Variants in NCKAP5 observed in about 807,000 individuals in gnomAD.
NCKAP5 encodes nck-associated protein 5.
NCKAP5 carries 92 observed loss-of-function variants against 167.0 expected under a neutral mutation model. That is an observed-to-expected ratio of 0.55 (90% CI 0.47 to 0.66). NCKAP5 has a LOEUF of 0.66. Ranked by LOEUF, NCKAP5 falls within the 30% of genes least tolerant of loss-of-function variation. The probability of loss-of-function intolerance (pLI) is 0.00; values close to 1 mark genes in which losing one functional copy is unlikely to be tolerated. For synonymous variants in NCKAP5, 891 were observed against 877.4 expected, an observed-to-expected ratio of 1.02 and a Z score of -0.27; for missense variants, 2,378 against 2,315.0, an observed-to-expected ratio of 1.03 and a Z score of -0.56.
At chr2:132,717,530 G>A (rs536312915) in intron 19 of NCKAP5, among the ~76,000 whole-genome samples, 1 of 152,304 alleles carries the variant, frequency 6.6e-6, no homozygotes, top group South Asian at 2.1e-4. Context: ...CCTTGGCCTT[G>A]AGAAGGCAGG....
rs192675400 is a variant in NCKAP5 at position 133,378,437 on chromosome 2, G to A, written c.70-75327C>T. On this transcript the variant is annotated intron_variant, in intron 3 of 19. Transcript: ENST00000409261. ...AGTGTAGACTATCAAATTTTGTCAGGACAACCAGTTTGGAAAACCTGCATC... is the reference window on the plus strand; with the variant it reads ...AGTGTAGACTATCAAATTTTGTCAGAACAACCAGTTTGGAAAACCTGCATC... 2.0e-5 allele frequency among the ~76,000 whole-genome samples: 3 copies of A among 152,192 alleles called. No individual in the cohort carries two copies. The South Asian group carries it at 6.2e-4, about 32-fold the overall frequency.
At chr2:133,342,051 G>T (rs904354204) in intron 3 of NCKAP5, among the ~76,000 whole-genome samples, 2 of 152,102 alleles carry the variant, frequency 1.3e-5, no homozygotes, top group African/African-American at 4.8e-5. Context: ...CCATTCTCCT[G>T]CTTCAGCCTC....
the NCKAP5 span, among the ~76,000 whole-genome samples, chr2:133,660,688 C>T: frequency 1.3e-5 from 2 of 150,884 alleles, no homozygotes; most frequent in South Asian, 2.1e-4. Context: ...ATTCGCTGGA[C>T]GAAACATTGT....
intron 6 of NCKAP5, among the ~76,000 whole-genome samples, chr2:133,058,107 T>C (rs77776553): frequency 0.013 from 1,978 of 152,324 alleles, 18 homozygotes; most frequent in Middle Eastern, 0.031. Context: ...AAACCCAGTG[T>C]TGAGACCTAC....
intron 16 of NCKAP5, among the ~76,000 whole-genome samples, chr2:132,761,550 T>C (rs1681009109): frequency 6.6e-6 from 1 of 152,248 alleles, no homozygotes; most frequent in Admixed American, 6.5e-5. Flanking sequence ...AGAAAATACG[T>C]ATAATTTTAT....
intron 3 of NCKAP5, among the ~76,000 whole-genome samples, chr2:133,351,406 T>A (rs1028946685): frequency 6.6e-6 from 1 of 152,118 alleles, no homozygotes; most frequent in Admixed American, 6.5e-5. Flanking sequence ...ATTTTTTTCA[T>A]CTGTAAATAG....
intron 3 of NCKAP5, among the ~76,000 whole-genome samples, chr2:133,407,799 T>A (rs1053379019): frequency 2.0e-5 from 3 of 152,348 alleles, no homozygotes; most frequent in Middle Eastern, 3.4e-3. Flanking sequence ...TGTTCAGCTA[T>A]CAGTAAACAA....
At chr2:133,235,996 G>A (rs1382447259) in intron 4 of NCKAP5, among the ~76,000 whole-genome samples, 1 of 146,886 alleles carries the variant, frequency 6.8e-6, no homozygotes, top group African/African-American at 2.5e-5. Context: ...GAGCTGGGAA[G>A]TGGAGGCTGC....
At chr2:132,932,359 G>A (rs1475793166) in intron 8 of NCKAP5, among the ~76,000 whole-genome samples, 3 of 151,612 alleles carry the variant, frequency 2.0e-5, no homozygotes, top group Admixed American at 6.6e-5. Flanking sequence ...TATCTTCATT[G>A]TCATTTAGCG....
At chr2:133,377,389 C>T (rs1424010201) in intron 3 of NCKAP5, among the ~76,000 whole-genome samples, 1 of 152,138 alleles carries the variant, frequency 6.6e-6, no homozygotes, top group African/African-American at 2.4e-5. Flanking sequence ...AATGACAGAG[C>T]AAGCTTCTTG....
In NCKAP5 at chr2:132,725,713, T is replaced by G. The variant is rs1301596848; in HGVS notation, c.5627A>C (p.Asn1876Thr). Residue 1876 changes from asparagine to threonine, a missense_variant, in exon 19 of 20, where the codon AAT becomes ACT. Around this residue, in one of 3 missense-constraint regions of NCKAP5, gnomAD observed 1,325 missense variants for 1,274.5 expected, o/e 1.04. Transcript: ENST00000409261. ...TCCATAGTCCAGGTCACTGTCACTA[T>G]TACTGCCACCGCTGGCAGAGTACGT... ...MCTYSASGGS[N>T]SDSDLDYGDN... The G allele has an allele frequency of 6.2e-7, 1 of 1,613,586 alleles. No individual in the cohort carries two copies. The highest frequency in any genetic ancestry group is 8.5e-7 in the Non-Finnish European group (1 of 1,179,820).
chr2:133,428,396 G>A (rs7593600), intron 3 of NCKAP5, among the ~76,000 whole-genome samples: 1 of 151,732 alleles, frequency 6.6e-6, no homozygotes. Flanking sequence ...TACATTATTC[G>A]GTAAATTATA....
At chr2:132,692,274 G>C (rs2082178) in intron 19 of NCKAP5, among the ~76,000 whole-genome samples, 61,470 of 151,698 alleles carry the variant, frequency 0.41, 14,112 homozygotes, top group East Asian at 0.55. Flanking sequence ...TCTCAAATAG[G>C]TGGGATTACA....
At chr2:132,897,841 G>A (rs1183420668) in intron 8 of NCKAP5, among the ~76,000 whole-genome samples, 11 of 152,212 alleles carry the variant, frequency 7.2e-5, no homozygotes, top group Non-Finnish European at 1.5e-4. Context: ...AAATGCTAAC[G>A]ATTATCTGAG....
intron 11 of NCKAP5, among the ~76,000 whole-genome samples, chr2:132,830,793 C>A (rs1002452155): frequency 6.6e-6 from 1 of 152,172 alleles, no homozygotes. Context: ...ATTTCATGGT[C>A]TTTTAATTTT....
chr2:133,108,619 G>A (rs1425260975), intron 6 of NCKAP5, among the ~76,000 whole-genome samples: 1 of 152,202 alleles, frequency 6.6e-6, no homozygotes, highest in Non-Finnish European at 1.5e-5. Context: ...CAGTCACCAT[G>A]CTATATAATG....
chr2:133,044,809 C>A (rs1375478243), intron 6 of NCKAP5, among the ~76,000 whole-genome samples: 2 of 152,088 alleles, frequency 1.3e-5, no homozygotes, highest in African/African-American at 4.8e-5. Flanking sequence ...TTGGCACATG[C>A]CTGTAATCTA....
chr2:133,098,479 T>C (rs1056272715), intron 6 of NCKAP5, among the ~76,000 whole-genome samples: 7 of 152,238 alleles, frequency 4.6e-5, no homozygotes, highest in Admixed American at 6.5e-5. Flanking sequence ...TTGACATTTT[T>C]CCACAATTTT....
chr2:133,588,141 A>G, the NCKAP5 span, among the ~76,000 whole-genome samples: 11 of 152,168 alleles, frequency 7.2e-5, no homozygotes, highest in Non-Finnish European at 1.0e-4. Flanking sequence ...CTATGTCACA[A>G]TGTTAAATGT....
Sources: gnomAD v4.1 joint callset for allele counts (sites outside exome capture counted in the v4.1 genomes callset) on GRCh38, gnomAD v4.1.1 for gene constraint, gnomAD v4.1.1 regional missense constraint, MANE v1.5 for transcripts, NCBI Gene and HGNC (gene_info 2026-07-23, HGNC 2026-07-21) for gene names.